THSD7A: variants seen among roughly 807,000 people sequenced by gnomAD.
THSD7A encodes thrombospondin type-1 domain-containing protein 7A.
Under a neutral mutation model 231.3 loss-of-function variants are expected in THSD7A, and 96 were observed. That is an observed-to-expected ratio of 0.41 (90% CI 0.35 to 0.49). The LOEUF is 0.49. THSD7A is among the 20% of genes least tolerant of loss of function. THSD7A has a pLI of 0.05. For synonymous variants in THSD7A, 940 were observed against 743.3 expected (o/e 1.26, Z -4.30); for missense variants, 2,290 against 2,070.2 (o/e 1.11, Z -2.06).
intron 1 of THSD7A, among the ~76,000 whole-genome samples, chr7:11,760,655 G>C (rs1477346524): frequency 6.6e-6 from 1 of 151,960 alleles, no homozygotes; most frequent in Non-Finnish European, 1.5e-5. Flanking sequence ...GCCCTTCATG[G>C]ATGGTTTACA....
intron 2 of THSD7A, among the ~76,000 whole-genome samples, chr7:11,627,474 G>C (rs894531399): frequency 1.3e-5 from 2 of 151,790 alleles, no homozygotes; most frequent in African/African-American, 4.8e-5. Flanking sequence ...CATTTCCTGA[G>C]AAAACCTTCA....
chr7:11,696,586 T>C (rs1476043647), intron 1 of THSD7A, among the ~76,000 whole-genome samples: 1 of 151,276 alleles, frequency 6.6e-6, no homozygotes, highest in Non-Finnish European at 1.5e-5. Context: ...CTCCCTCGCC[T>C]ATCCCCCTCC....
intron 6 of THSD7A, among the ~76,000 whole-genome samples, chr7:11,490,534 T>A (rs1225646862): frequency 6.6e-6 from 1 of 152,102 alleles, no homozygotes; most frequent in Non-Finnish European, 1.5e-5. Context: ...TAATGCCAAC[T>A]ATCATGGTAC....
intron 6 of THSD7A, among the ~76,000 whole-genome samples, chr7:11,490,718 T>A (rs1786855284): frequency 6.6e-6 from 1 of 152,078 alleles, no homozygotes; most frequent in Non-Finnish European, 1.5e-5. Flanking sequence ...AAGCTTGAAA[T>A]GACCTAAAAT....
intron 6 of THSD7A, among the ~76,000 whole-genome samples, chr7:11,528,588 A>G (rs1179781220): frequency 6.6e-6 from 1 of 152,200 alleles, no homozygotes; most frequent in Non-Finnish European, 1.5e-5. Flanking sequence ...TTTTATATCA[A>G]TTCAGCAATT....
At chr7:11,695,727 G>A (rs10499416) in intron 1 of THSD7A, among the ~76,000 whole-genome samples, 35,044 of 151,422 alleles carry the variant, frequency 0.23, 4,130 homozygotes, top group East Asian at 0.29. Context: ...AAGTGATACT[G>A]AAAAGTAGGT....
intron 1 of THSD7A, among the ~76,000 whole-genome samples, chr7:11,744,249 T>C (rs915637624): frequency 5.9e-5 from 9 of 151,828 alleles, no homozygotes; most frequent in African/African-American, 1.9e-4. Flanking sequence ...AATCAAACCC[T>C]ACATTTCTCC....
chr7:11,770,159 T>G (rs1490139482), intron 1 of THSD7A, among the ~76,000 whole-genome samples: 1 of 152,122 alleles, frequency 6.6e-6, no homozygotes, highest in African/African-American at 2.4e-5. Flanking sequence ...ATAAAACTAT[T>G]TTGTTTTCAA....
chr7:11,422,382 G>T (rs1784174146), intron 16 of THSD7A, among the ~76,000 whole-genome samples: 1 of 152,016 alleles, frequency 6.6e-6, no homozygotes, highest in Admixed American at 6.5e-5. Flanking sequence ...CATTCAAGCA[G>T]GACATTTTGA....
chr7:11,804,106 A>G (rs1784343674), intron 1 of THSD7A, among the ~76,000 whole-genome samples: 1 of 152,112 alleles, frequency 6.6e-6, no homozygotes, highest in Non-Finnish European at 1.5e-5. Context: ...TGAATTTTAG[A>G]TTTAGTGATT....
chr7:11,799,777 G>T (rs1328460423), intron 1 of THSD7A, among the ~76,000 whole-genome samples: 1 of 152,144 alleles, frequency 6.6e-6, no homozygotes, highest in Non-Finnish European at 1.5e-5. Context: ...CACAAAGCTA[G>T]ATCAAATTGG....
chr7:11,518,162 C>T (rs1788111724), intron 6 of THSD7A, among the ~76,000 whole-genome samples: 1 of 152,090 alleles, frequency 6.6e-6, no homozygotes, highest in Admixed American at 6.5e-5. Context: ...GTTTGTTAAC[C>T]CCTTGCTTTC....
Position 11,373,298 on chromosome 7 carries a change from A to G in THSD7A, c.*2496T>C, listed in dbSNP as rs1053470072. On this transcript the variant is annotated 3_prime_UTR_variant, in exon 28 of 28. Coordinates refer to ENST00000423059, the MANE Select transcript of THSD7A (RefSeq NM_015204.3). ...AATTAATAGGTGTTGCACACATTTC[A>G]TAAGAGGGTTAGCTGAATTTTTCAA... 3.3e-5 allele frequency: 5 copies of G among 152,036 alleles called. No homozygotes were observed. The highest frequency in any genetic ancestry group is 9.7e-5 in the African/African-American group (4 of 41,428). The allele number at this position is 152,036 out of a possible 1,614,324, so 9.4% of individuals were successfully genotyped here.
chr7:11,371,513 A>C lies in THSD7A; in HGVS notation c.*4281T>G, dbSNP rs1782051740. ...AGAAGAACCCACACTTGAATTTGGT[A>C]ATATATTTATAAACAGGAGATCCCA... On this transcript the variant is annotated 3_prime_UTR_variant, in exon 28 of 28. Coordinates refer to ENST00000423059, the MANE Select transcript of THSD7A (RefSeq NM_015204.3). 1 of 152,182 alleles carries C rather than the reference A, an allele frequency of 6.6e-6. No individual in the cohort carries two copies. Among genetic ancestry groups the C allele is most frequent in the Admixed American group, 6.6e-5 (1 of 15,260 alleles). The allele number at this position is 152,182 out of a possible 1,614,324, so 9.4% of individuals were successfully genotyped here.
At chr7:11,674,786 T>C (rs1783568577) in intron 1 of THSD7A, among the ~76,000 whole-genome samples, 1 of 152,154 alleles carries the variant, frequency 6.6e-6, no homozygotes, top group Admixed American at 6.5e-5. Flanking sequence ...AGGATTGCAC[T>C]AGAACCCTAG....
intron 1 of THSD7A, among the ~76,000 whole-genome samples, chr7:11,696,316 C>T (rs1293579727): frequency 1.3e-5 from 2 of 151,458 alleles, no homozygotes; most frequent in Non-Finnish European, 3.0e-5. Flanking sequence ...AAAAAAATAG[C>T]ACACTTCTTG....
intron 7 of THSD7A, among the ~76,000 whole-genome samples, chr7:11,480,493 C>T (rs1432423019): frequency 1.3e-5 from 2 of 152,068 alleles, no homozygotes; most frequent in Admixed American, 6.6e-5. Flanking sequence ...ACAATCTTCA[C>T]GAGGTTAGAG....
intron 6 of THSD7A, among the ~76,000 whole-genome samples, chr7:11,510,953 C>G (rs548944921): frequency 1.8e-4 from 27 of 151,656 alleles, no homozygotes; most frequent in African/African-American, 5.8e-4. Flanking sequence ...GCAGGAGCAA[C>G]AAATAAAGGG....
intron 4 of THSD7A, among the ~76,000 whole-genome samples, chr7:11,572,930 T>C (rs970242550): frequency 1.3e-5 from 2 of 152,148 alleles, no homozygotes; most frequent in African/African-American, 4.8e-5. Flanking sequence ...GTGAACAGTA[T>C]ATTGTAGAGA....
Sources: gnomAD v4.1 joint callset for allele counts (sites outside exome capture counted in the v4.1 genomes callset) on GRCh38, gnomAD v4.1.1 for gene constraint, MANE v1.5 for transcripts, NCBI Gene and HGNC (gene_info 2026-07-23, HGNC 2026-07-21) for gene names.